KLK5: variants seen among roughly 807,000 people sequenced by gnomAD.
The protein encoded by KLK5 is kallikrein-5.
A neutral mutation model predicts 24.0 loss-of-function variants in KLK5; 18 were observed. The observed-to-expected ratio is 0.75, with a 90% CI of 0.52 to 1.11. The LOEUF (loss-of-function observed/expected upper bound fraction) is 1.11. KLK5 is among the 50% of genes most tolerant of loss of function. The pLI is 0.00. For synonymous variants in KLK5, 140 were observed against 154.0 expected (o/e 0.91, Z 0.67); for missense variants, 374 against 379.2 (o/e 0.99, Z 0.11).
At position 50,948,880 on chromosome 19, in the gene KLK5, C is replaced by G. The variant is rs1462515479; in HGVS notation, c.571G>C (p.Gly191Arg). 2 of 1,613,920 alleles carry G rather than the reference C, an allele frequency of 1.2e-6. No homozygotes were observed. The highest frequency in any genetic ancestry group is 1.7e-6 in the Non-Finnish European group (2 of 1,180,022). ...AGTKCLVSGW[G>R]TTKSPQVHFP... ...TCACCTTGGGGGCTCTTGGTTGTCC[C>G]CCAGCCAGACACCAAGCACTTTGTC... Residue 191 changes from glycine to arginine, a missense_variant, in exon 4 of 6, where the codon GGG (glycine) becomes CGG (arginine). Physicochemically the swap from Gly to Arg is moderately radical, Grantham distance 125 (BLOSUM62 -2). Coordinates refer to ENST00000336334, the MANE Select transcript of KLK5 (RefSeq NM_012427.5).
chr19:50,950,283 G>C, intron 2 of KLK5, 167 bp from the exon 3 acceptor site: 1 of 655,804 alleles, frequency 1.5e-6, no homozygotes, highest in Non-Finnish European at 2.6e-6. Flanking sequence ...CCAGGCTCAA[G>C]CTCAAGGACA....
chr19:50,951,950 C>G (rs2090690904), intron 2 of KLK5, among the ~76,000 whole-genome samples: 1 of 152,134 alleles, frequency 6.6e-6, no homozygotes. Flanking sequence ...TCCAGACACA[C>G]AGCTGCACCA....
chr19:50,943,604 T>G lies in KLK5; in HGVS notation c.*27A>C. The stretch of plus-strand genomic sequence containing the variant: ...GGGCTGTCCCTGCAGCAGGTGGGGA[T>G]GCCGGTGTGCTGAGTCCTGGGATGA... On this transcript the variant is annotated 3_prime_UTR_variant, in exon 6 of 6. Coordinates refer to ENST00000336334, the MANE Select transcript of KLK5 (RefSeq NM_012427.5). 1 of 1,600,034 alleles carries G rather than the reference T, an allele frequency of 6.2e-7. No homozygotes were observed. The highest frequency in any genetic ancestry group is 2.2e-5 in the East Asian group (1 of 44,518).
chr19:50,945,792 A>AAAAAGAAAAGAAAAG (rs59621643), intron 5 of KLK5, among the ~76,000 whole-genome samples: 4,315 of 149,290 alleles, frequency 0.029, 97 homozygotes, highest in African/African-American at 0.063. Context: ...CTCCGTCTCA[A>AAAAAGAAAAGAAAAG]AAAAGAAAAG....
In KLK5 at chr19:50,943,544, C is replaced by G. The variant is rs1365132103; in HGVS notation, c.*87G>C. The G allele has an allele frequency of 7.9e-7, 1 of 1,266,678 alleles. No homozygotes were observed. Among genetic ancestry groups the G allele is most frequent in the African/African-American group, 1.5e-5 (1 of 67,994 alleles). The allele number at this position is 1,266,678 out of a possible 1,614,324, so 78.5% of individuals were successfully genotyped here. A position where few individuals can be genotyped will look rare whatever the true frequency, so the allele number is the denominator to read the frequency against. On this transcript the variant is annotated 3_prime_UTR_variant, in exon 6 of 6. Transcript: ENST00000336334. ...CTGGAGAGATGAACATTCTCAACAT[C>G]TCTGGGAAGGAATGAGGGTCTGAAA...
At chr19:50,944,929 T>TC (rs1488846730) in intron 5 of KLK5, among the ~76,000 whole-genome samples, 5 of 151,858 alleles carry the variant, frequency 3.3e-5, no homozygotes, top group Admixed American at 1.3e-4. Flanking sequence ...GTCATTTTTT[T>TC]CCCTCTTTTC....
In KLK5 at chr19:50,948,842, AG is replaced by A. The variant is rs777660081; in HGVS notation, c.592+16del. On this transcript the variant is annotated intron_variant, in intron 4 of 5. Coordinates refer to ENST00000336334, the MANE Select transcript of KLK5 (RefSeq NM_012427.5). ...CGGCAGAGATGGGTCGGTATCAAGA[AG>A]AACCTGGACACTCACCTTGGGGGCT... 1 of 1,614,098 alleles carries A rather than the reference AG, an allele frequency of 6.2e-7. No individual in the cohort carries two copies. Among genetic ancestry groups the A allele is most frequent in the East Asian group, 2.2e-5 (1 of 44,884 alleles).
rs749303309 is a variant in KLK5 at position 50,949,030 on chromosome 19, G to C, written c.421C>G (p.Pro141Ala). Residue 141 changes from proline to alanine, a missense_variant, in exon 4 of 6, where the codon CCC (proline) becomes GCC (alanine). By Grantham distance (27) the Pro-to-Ala change is conservative. Transcript: ENST00000336334. The stretch of plus-strand genomic sequence containing the variant: ...CCAGGGTGGGAGTAGCCAGGGTGGG[G>C]GATGGATTTGACCCCCTGGAACATC... Reference protein sequence around the residue: ...QQMFQGVKSIPHPGYSHPGHS... With the variant: ...QQMFQGVKSIAHPGYSHPGHS... The C allele has an allele frequency of 1.1e-5, 18 of 1,613,722 alleles. No individual in the cohort carries two copies. Among genetic ancestry groups the C allele is most frequent in the Non-Finnish European group, 1.4e-5 (17 of 1,179,954 alleles).
In KLK5 at chr19:50,947,603, C is replaced by G. The variant is rs939513380; in HGVS notation, c.726+1037G>C. 1.3e-5 allele frequency among the ~76,000 whole-genome samples: 2 copies of G among 152,178 alleles called. No homozygotes were observed. The highest frequency in any genetic ancestry group is 4.8e-5 in the African/African-American group (2 of 41,444). On this transcript the variant is annotated intron_variant, in intron 5 of 5. Transcript: ENST00000336334. This position sits in a 1 kb window ranked among gnomAD's most constrained non-coding sequence, Gnocchi z 8.7. ...TTTTAACTTTGTTCCTCCAGCCCTT[C>G]CAGCAGCTTTGCAATTAATCCCCTG...
chr19:50,949,794 T>TGC, intron 3 of KLK5, 61 bp downstream of exon 3: 2 of 109,254 alleles, frequency 1.8e-5, no homozygotes, highest in Non-Finnish European at 3.3e-5. Flanking sequence ...CACCCCCACT[T>TGC]CCCCACCCCC....
intron 2 of KLK5, among the ~76,000 whole-genome samples, chr19:50,951,843 C>G (rs1421060606): frequency 6.6e-6 from 1 of 152,138 alleles, no homozygotes; most frequent in East Asian, 1.9e-4. Flanking sequence ...ACATACTCTT[C>G]TGCACACAGG....
chr19:50,944,164 C>T (rs746032178), intron 5 of KLK5, among the ~76,000 whole-genome samples: 3 of 151,992 alleles, frequency 2.0e-5, no homozygotes, highest in Admixed American at 6.6e-5. Context: ...TCACCACACC[C>T]GGCTAATTTT....
intron 5 of KLK5, among the ~76,000 whole-genome samples, chr19:50,944,350 C>G (rs2090613121): frequency 6.6e-6 from 1 of 152,134 alleles, no homozygotes; most frequent in Admixed American, 6.5e-5. Context: ...TCCACTCCAT[C>G]TTCCTCTTCC....
intron 5 of KLK5, among the ~76,000 whole-genome samples, chr19:50,945,007 T>C (rs2090618555): frequency 6.6e-6 from 1 of 151,496 alleles, no homozygotes; most frequent in East Asian, 1.9e-4. Flanking sequence ...TTTCTCTTTC[T>C]TCCTTTCTTT....
chr19:50,947,673 C>T lies in KLK5; in HGVS notation c.726+967G>A, dbSNP rs268905. Among the ~76,000 whole-genome samples, 41,486 of 152,040 alleles carry T rather than the reference C, an allele frequency of 0.27. 5,850 individuals carry two copies. Among genetic ancestry groups the T allele is most frequent in the Middle Eastern group, 0.3 (87 of 294 alleles). On this transcript the variant is annotated intron_variant, in intron 5 of 5. Transcript: ENST00000336334. The surrounding 1 kb of genome is among the most constrained non-coding windows in gnomAD (Gnocchi z 8.7). ...AAAATACCTACCAGATTTCTCTTTT[C>T]CTTCCTCAAGATATTTTACCAGCAC... is the stretch of plus-strand genomic sequence containing the variant.
Position 50,948,670 on chromosome 19 carries a change from G to C in KLK5, c.696C>G (p.Ala232=). ...AGGAGTCTCTACCTGCTTTGTCACC[G>C]GCGCAGAACATGGTGTCATCTATCT... The part of the protein sequence containing the change: ...PRQIDDTMFC[A]GDKAGRDSCQ... The change falls in exon 5 of 6, where the codon GCC becomes GCG. Residue 232 remains alanine, a synonymous_variant. Transcript: ENST00000336334. 2 of 1,614,110 alleles carry C rather than the reference G, an allele frequency of 1.2e-6. No individual in the cohort carries two copies. The highest frequency in any genetic ancestry group is 1.7e-6 in the Non-Finnish European group (2 of 1,180,024).
intron 5 of KLK5, among the ~76,000 whole-genome samples, chr19:50,946,568 T>TC (rs71333919): frequency 6.6e-6 from 1 of 151,532 alleles, no homozygotes; most frequent in African/African-American, 2.4e-5. Flanking sequence ...TCTTTTCTTT[T>TC]TTTTTTTTTG....
At position 50,948,680 on chromosome 19, in the gene KLK5, A is replaced by T; in HGVS notation, c.686T>A (p.Met229Lys). ...DAYPRQIDDT[M>K]FCAGDKAGRD... ...ACCTGCTTTGTCACCGGCGCAGAAC[A>T]TGGTGTCATCTATCTGTCTCGGGTA... The change falls in exon 5 of 6, where the codon ATG becomes AAG. Residue 229 changes from methionine (M) to lysine (K), a missense_variant. Transcript: ENST00000336334. 1 of 1,614,128 alleles carries T rather than the reference A, an allele frequency of 6.2e-7. No individual in the cohort carries two copies. The highest frequency in any genetic ancestry group is 8.5e-7 in the Non-Finnish European group (1 of 1,180,026).
Position 50,943,531 on chromosome 19 carries a change from A to G in KLK5, c.*100T>C, listed in dbSNP as rs999759118. ...ATGGGGTCAGGGGCTGGAGAGATGA[A>G]CATTCTCAACATCTCTGGGAAGGAA... On this transcript the variant is annotated 3_prime_UTR_variant, in exon 6 of 6. Coordinates refer to ENST00000336334, the MANE Select transcript of KLK5 (RefSeq NM_012427.5). The G allele has an allele frequency of 3.5e-5, 40 of 1,149,452 alleles. No homozygotes were observed. In the South Asian group the frequency reaches 5.3e-4, roughly 15 times the overall value. 71.2% of individuals were successfully genotyped at this position (1,149,452 alleles called of 1,614,324 possible).
Sources: gnomAD v4.1 joint callset for allele counts (sites outside exome capture counted in the v4.1 genomes callset) on GRCh38, gnomAD v4.1.1 for gene constraint, Gnocchi (gnomAD v3.1) non-coding constraint, MANE v1.5 for transcripts, NCBI Gene and HGNC (gene_info 2026-07-23, HGNC 2026-07-21) for gene names.